Variants in LIN28B observed in about 807,000 individuals in gnomAD.
The protein encoded by LIN28B is lin-28 RNA binding posttranscriptional regulator B.
LIN28B carries 5 observed loss-of-function variants against 21.9 expected under a neutral mutation model. The ratio of observed to expected loss-of-function variants is 0.23; its 90% CI spans 0.12 to 0.48. The LOEUF (loss-of-function observed/expected upper bound fraction) is 0.48. LIN28B is among the 20% of genes least tolerant of loss of function. The pLI, the probability that LIN28B is intolerant of heterozygous loss-of-function variation, is 0.98. For missense variants in LIN28B, 245 were observed against 310.5 expected (o/e 0.79, Z 1.58); for synonymous variants, 109 against 111.3 (o/e 0.98, Z 0.13).
chr6:105,032,148 A>G lies in LIN28B; in HGVS notation c.383+5666A>G, dbSNP rs114000108. Among the ~76,000 whole-genome samples the G allele has an allele frequency of 7.0e-3, 1,059 of 152,298 alleles. 10 individuals are homozygous for G. Among genetic ancestry groups the G allele is most frequent in the African/African-American group, 0.024 (980 of 41,556 alleles). ...CTGAATAGTATTCCATTTTATAGCT[A>G]TAACACTGTTTACTTATTAATCTAT... On this transcript the variant is annotated intron_variant, in intron 3 of 3. Coordinates refer to ENST00000345080, the MANE Select transcript of LIN28B (RefSeq NM_001004317.4).
At chr6:105,017,225 A>G (rs1234632747) in intron 2 of LIN28B, among the ~76,000 whole-genome samples, 1 of 152,168 alleles carries the variant, frequency 6.6e-6, no homozygotes, top group East Asian at 1.9e-4. Flanking sequence ...AAGATGAGGT[A>G]ATGTTTAAAC....
intron 2 of LIN28B, among the ~76,000 whole-genome samples, chr6:105,011,363 G>A (rs549096868): frequency 6.6e-5 from 10 of 152,106 alleles, no homozygotes; most frequent in Non-Finnish European, 1.0e-4. Context: ...GCTAATTTTT[G>A]TATTTTTTGT....
intron 2 of LIN28B, among the ~76,000 whole-genome samples, chr6:104,995,405 T>G (rs926155110): frequency 6.6e-6 from 1 of 152,120 alleles, no homozygotes; most frequent in Non-Finnish European, 1.5e-5. Flanking sequence ...AGAATTATAG[T>G]GAAGGAGAGG....
chr6:105,016,190 A>AT (rs1771021902), intron 2 of LIN28B, among the ~76,000 whole-genome samples: 1 of 152,156 alleles, frequency 6.6e-6, no homozygotes, highest in East Asian at 1.9e-4. Flanking sequence ...CTTGTGATTC[A>AT]TTGTGTCAGC....
At chr6:104,940,633 C>T (rs1490979613) in intron 2 of LIN28B, 1 of 150,496 alleles carries the variant, frequency 6.6e-6, no homozygotes, top group African/African-American at 2.4e-5. Flanking sequence ...GTGCGCGTGC[C>T]GCCGGCTGAC....
intron 3 of LIN28B, among the ~76,000 whole-genome samples, chr6:105,076,885 T>C (rs1447906322): frequency 1.3e-5 from 2 of 151,732 alleles, no homozygotes; most frequent in Non-Finnish European, 2.9e-5. Context: ...ATTACAAGCG[T>C]GAGCCACCGC....
intron 2 of LIN28B, among the ~76,000 whole-genome samples, chr6:104,994,444 T>C (rs1465444867): frequency 6.6e-6 from 1 of 152,218 alleles, no homozygotes; most frequent in Non-Finnish European, 1.5e-5. Context: ...GTGTTAGCTA[T>C]TTAGGATTTA....
upstream of LIN28B, among the ~76,000 whole-genome samples, chr6:104,954,737 A>G (rs1274902319): frequency 6.6e-6 from 1 of 152,182 alleles, no homozygotes; most frequent in African/African-American, 2.4e-5. Flanking sequence ...AATTCCACTA[A>G]TACTGGAGGC....
rs567722076 is a variant in LIN28B, at chr6:105,081,550, A to G, written c.*2767A>G. On this transcript the variant is annotated 3_prime_UTR_variant, in exon 4 of 4. Transcript: ENST00000345080. ...TCTGTATTATAAATAGCAATTCACA[A>G]CTGCATGTTTCTGACAAACACTTGT... The G allele has an allele frequency of 1.3e-5, 2 of 152,628 alleles. No individual in the cohort carries two copies. Among genetic ancestry groups the G allele is most frequent in the South Asian group, 2.1e-4 (1 of 4,834 alleles). The allele number at this position is 152,628 out of a possible 1,614,324, so 9.5% of individuals were successfully genotyped here. A position where few individuals can be genotyped will look rare whatever the true frequency, so the allele number is the denominator to read the frequency against.
intron 3 of LIN28B, among the ~76,000 whole-genome samples, chr6:105,029,404 A>T (rs1372639285): frequency 1.3e-5 from 2 of 152,186 alleles, no homozygotes; most frequent in Non-Finnish European, 2.9e-5. Context: ...GGGGGAGCTG[A>T]TCATGTGAGT....
At chr6:104,954,348 T>A (rs1191674401), upstream of LIN28B, among the ~76,000 whole-genome samples, 1 of 152,142 alleles carries the variant, frequency 6.6e-6, no homozygotes, top group Non-Finnish European at 1.5e-5. Context: ...GCAATTTATA[T>A]TATAAAAGGA....
chr6:105,026,471 A>G lies in LIN28B; in HGVS notation c.372A>G (p.Pro124=). 6.4e-7 allele frequency: 1 copy of G among 1,567,504 alleles called. No individual in the cohort carries two copies. The highest frequency in any genetic ancestry group is 8.6e-7 in the Non-Finnish European group (1 of 1,160,666). ...PKGKTLQKRK[P]KGDRCYNCGG... is the part of the protein sequence containing the mutation. ...GGAAGACACTACAGAAAAGAAAACC[A>G]AAGGGAGATAGGTAATCATTTTTAC... Residue 124 remains proline (P), a synonymous_variant, in exon 3 of 4, where the codon CCA becomes CCG. Transcript: ENST00000345080.
In LIN28B at chr6:104,998,921, T is replaced by G. The variant is rs1294026712; in HGVS notation, c.199-27377T>G. Among the ~76,000 whole-genome samples the G allele has an allele frequency of 2.0e-5, 3 of 152,306 alleles. No homozygotes were observed. In the East Asian group the frequency reaches 5.8e-4, roughly 29 times the overall value. On this transcript the variant is annotated intron_variant, in intron 2 of 3. Coordinates refer to ENST00000345080, the MANE Select transcript of LIN28B (RefSeq NM_001004317.4). ...GACTTAAATAGCTTGTAGAAACTTC[T>G]TAAGTAATTGAAAGGCCAATTGCAA...
intron 2 of LIN28B, among the ~76,000 whole-genome samples, chr6:104,968,653 A>G (rs1769912675): frequency 6.6e-6 from 1 of 152,168 alleles, no homozygotes; most frequent in East Asian, 1.9e-4. Flanking sequence ...ATAAATTTCA[A>G]ATTACTTTTA....
chr6:105,028,991 G>A (rs1205375240), intron 3 of LIN28B, among the ~76,000 whole-genome samples: 3 of 152,130 alleles, frequency 2.0e-5, no homozygotes, highest in African/African-American at 7.2e-5. Context: ...TCAAGAAAGG[G>A]TATCAGGTAT....
chr6:105,049,850 G>A (rs1223542063), intron 3 of LIN28B, among the ~76,000 whole-genome samples: 1 of 150,712 alleles, frequency 6.6e-6, no homozygotes, highest in Non-Finnish European at 1.5e-5. Flanking sequence ...TTTCCATTTG[G>A]TTGGTAGATA....
At chr6:105,000,085 A>C (rs1040316109) in intron 2 of LIN28B, among the ~76,000 whole-genome samples, 1 of 152,102 alleles carries the variant, frequency 6.6e-6, no homozygotes, top group Non-Finnish European at 1.5e-5. Context: ...TTTTTTTAAT[A>C]CAGAAGTTTC....
chr6:105,008,286 C>T (rs899291437), intron 2 of LIN28B, among the ~76,000 whole-genome samples: 1 of 152,158 alleles, frequency 6.6e-6, no homozygotes, highest in Non-Finnish European at 1.5e-5. Flanking sequence ...AGTGACCATA[C>T]AAACTCTTTG....
intron 2 of LIN28B, among the ~76,000 whole-genome samples, chr6:104,949,358 G>A (rs778716900): frequency 3.3e-5 from 5 of 152,136 alleles, no homozygotes; most frequent in Non-Finnish European, 7.4e-5. Flanking sequence ...CACAGGCTAA[G>A]TGAAGGATTT....
Sources: gnomAD v4.1 joint callset for allele counts (sites outside exome capture counted in the v4.1 genomes callset) on GRCh38, gnomAD v4.1.1 for gene constraint, MANE v1.5 for transcripts, NCBI Gene and HGNC (gene_info 2026-07-23, HGNC 2026-07-21) for gene names.